Variants in ATP6V0A2 observed in about 807,000 individuals in gnomAD.
ATP6V0A2 encodes the protein V-type proton ATPase 116 kDa subunit a 2.
In ATP6V0A2, 58 loss-of-function variants were observed where a neutral mutation model predicts 104.4. The ratio of observed to expected loss-of-function variants is 0.56; its 90% CI spans 0.45 to 0.69. The LOEUF is 0.69. ATP6V0A2 is among the 30% of genes least tolerant of loss of function. The pLI, the probability that ATP6V0A2 is intolerant of heterozygous loss-of-function variation, is 0.00. For missense variants in ATP6V0A2, 938 were observed against 1,062.9 expected, an observed-to-expected ratio of 0.88 and a Z score of 1.63; for synonymous variants, 376 against 397.9, an observed-to-expected ratio of 0.95 and a Z score of 0.65.
At chr12:123,736,955 T>G (rs1956560049) in intron 8 of ATP6V0A2, 104 bp from the exon 9 acceptor site, 3 of 1,131,964 alleles carry the variant, frequency 2.7e-6, no homozygotes, top group Non-Finnish European at 4.0e-6. Flanking sequence ...CCTGGAATGA[T>G]CCTCTGTCAA....
chr12:123,726,104 T>TA (rs1956446261), intron 4 of ATP6V0A2, 93 bp from the exon 5 acceptor site: 1 of 922,102 alleles, frequency 1.1e-6, no homozygotes, highest in South Asian at 1.3e-5. Flanking sequence ...AGTAGTTAGT[T>TA]AGGATGCCCT....
At chr12:123,743,175 A>G (rs1358549496) in intron 9 of ATP6V0A2, among the ~76,000 whole-genome samples, 1 of 151,852 alleles carries the variant, frequency 6.6e-6, no homozygotes, top group African/African-American at 2.4e-5. Flanking sequence ...CCCAGCCCCC[A>G]TTCACTTCCG....
chr12:123,730,825 G>A (rs1400174658), intron 6 of ATP6V0A2: 3 of 152,136 alleles, frequency 2.0e-5, no homozygotes, highest in African/African-American at 7.2e-5. Flanking sequence ...TCCTACCTCA[G>A]CCTCCCAAGT....
intron 5 of ATP6V0A2, among the ~76,000 whole-genome samples, chr12:123,726,581 A>G (rs1244988860): frequency 1.3e-5 from 2 of 152,262 alleles, no homozygotes; most frequent in Admixed American, 6.5e-5. Context: ...TCATTCAGGC[A>G]TCAAATCCTG....
In ATP6V0A2 at chr12:123,757,963, C is replaced by T. The variant is rs1451115150; in HGVS notation, c.2502C>T (p.Gly834=). ...AGAACAAATTCTACGTTGGTGCAGG[C>T]ACCAAATTTGTTCCTTTCTCATTCA... The part of the protein sequence containing the change: ...EFQNKFYVGA[G]TKFVPFSFSL... The change falls in exon 20 of 20, where the codon GGC becomes GGT. Residue 834 remains glycine, a synonymous_variant. Transcript: ENST00000330342. The T allele has an allele frequency of 1.2e-6, 2 of 1,610,650 alleles. No individual in the cohort carries two copies. Among genetic ancestry groups the T allele is most frequent in the Non-Finnish European group, 1.7e-6 (2 of 1,179,240 alleles).
chr12:123,723,507 A>C (rs1442894382), intron 3 of ATP6V0A2: 1 of 148,958 alleles, frequency 6.7e-6, no homozygotes, highest in Non-Finnish European at 1.5e-5. Context: ...CCCAGGCTAG[A>C]GTGCATGTAG....
chr12:123,740,434 C>T (rs1227019818), intron 9 of ATP6V0A2, among the ~76,000 whole-genome samples: 2 of 152,168 alleles, frequency 1.3e-5, no homozygotes, highest in Non-Finnish European at 2.9e-5. Context: ...TGGTCTGGAA[C>T]TCCTGACCTC....
chr12:123,714,014 TCAC>T (rs1956317415), intron 1 of ATP6V0A2, among the ~76,000 whole-genome samples: 1 of 152,172 alleles, frequency 6.6e-6, no homozygotes, highest in Non-Finnish European at 1.5e-5. Flanking sequence ...TTGTACCCAT[TCAC>T]CTGATGGATG....
chr12:123,722,391 T>C lies in ATP6V0A2; in HGVS notation c.237T>C (p.Leu79=), dbSNP rs369978210. 8.7e-6 allele frequency: 14 copies of C among 1,612,934 alleles called. No individual in the cohort carries two copies. The African/African-American group carries it at 1.5e-4, about 17-fold the overall frequency. ...AAATTAATAGAGCTGATATTCCCCT[T>C]CCTGAAGGAGAGGCCAGCCCTCCTG... ...VQEINRADIP[L]PEGEASPPAP... is the part of the protein sequence containing the mutation. The change falls in exon 3 of 20, where the codon CTT becomes CTC. Residue 79 remains leucine (L), a synonymous_variant. Coordinates refer to ENST00000330342, the MANE Select transcript of ATP6V0A2 (RefSeq NM_012463.4).
intron 14 of ATP6V0A2, 144 bp downstream of exon 14, chr12:123,747,869 G>GGA (rs1412181673): frequency 1.1e-5 from 7 of 646,384 alleles, no homozygotes; most frequent in Middle Eastern, 4.2e-4. Context: ...AAGTTATTTA[G>GGA]ATTTTCTGTG....
At chr12:123,745,082 G>A in intron 13 of ATP6V0A2, 110 bp downstream of exon 13, 4 of 1,110,566 alleles carry the variant, frequency 3.6e-6, no homozygotes, top group South Asian at 1.3e-5. Context: ...TGCCCTGAGC[G>A]GGAGGTGCTC....
chr12:123,754,599 A>T lies in ATP6V0A2; in HGVS notation c.2293+62A>T, dbSNP rs1333238357. The T allele has an allele frequency of 7.4e-5, 87 of 1,179,864 alleles. 1 individual carries two copies. The highest frequency in any genetic ancestry group is 1.0e-4 in the Non-Finnish European group (81 of 785,184). The allele number at this position is 1,179,864 out of a possible 1,614,324, so 73.1% of individuals were successfully genotyped here. On this transcript the variant is annotated intron_variant, in intron 18 of 19. Transcript: ENST00000330342. ...TGTAGTGCCAGCAGACTCAGGGGGC[A>T]CTGTGGGATATTTTAACTTTGTAAC...
intron 17 of ATP6V0A2, among the ~76,000 whole-genome samples, chr12:123,753,692 G>A (rs914036103): frequency 6.6e-6 from 1 of 152,258 alleles, no homozygotes; most frequent in Admixed American, 6.5e-5. Context: ...GCTGGACAGG[G>A]AAGTAGCGGC....
At chr12:123,724,077 C>T (rs532145917) in intron 3 of ATP6V0A2, 9 of 151,892 alleles carry the variant, frequency 5.9e-5, no homozygotes, top group Non-Finnish European at 1.0e-4. Context: ...TAATATGAAA[C>T]AATAAATGAG....
intron 17 of ATP6V0A2, among the ~76,000 whole-genome samples, chr12:123,753,157 T>A (rs1329626102): frequency 1.4e-5 from 2 of 138,872 alleles, no homozygotes; most frequent in African/African-American, 2.7e-5. Context: ...ACTGTGTCAG[T>A]CCCCTTTACC....
intron 1 of ATP6V0A2, among the ~76,000 whole-genome samples, chr12:123,713,035 A>G (rs1032459977): frequency 1.3e-5 from 2 of 152,176 alleles, no homozygotes; most frequent in African/African-American, 4.8e-5. Context: ...CATTAACCAA[A>G]TAAATAGGTC....
intron 1 of ATP6V0A2, among the ~76,000 whole-genome samples, chr12:123,718,181 C>G (rs896423235): frequency 6.6e-6 from 1 of 151,940 alleles, no homozygotes; most frequent in Non-Finnish European, 1.5e-5. Context: ...ACCTCCGCCT[C>G]CTGGGTTCAA....
intron 6 of ATP6V0A2, chr12:123,730,585 T>TTATCCTTCAGTTGTGACCTTGATGA (rs1393122742): frequency 6.6e-6 from 1 of 152,258 alleles, no homozygotes; most frequent in Non-Finnish European, 1.5e-5. Context: ...CCATCGTTAA[T>TTATCCTTCAGTTGTGACCTTGATGA]TATCCTTCAG....
At chr12:123,717,032 A>C (rs1287833466) in intron 1 of ATP6V0A2, among the ~76,000 whole-genome samples, 2 of 152,054 alleles carry the variant, frequency 1.3e-5, no homozygotes, top group Non-Finnish European at 1.5e-5. Flanking sequence ...AAAGTCATCC[A>C]GGGTGGGCGT....
Sources: allele counts gnomAD v4.1 joint callset (sites outside exome capture counted in the v4.1 genomes callset), GRCh38; gene constraint gnomAD v4.1.1; transcripts MANE v1.5; gene names NCBI Gene and HGNC (gene_info 2026-07-23, HGNC 2026-07-21).